The following STAG2 variants were observed in gnomAD, a reference collection of about 807,000 sequenced individuals.
STAG2 encodes STAG2 cohesin complex component, also known as cohesin subunit SA-2.
STAG2 carries 14 observed loss-of-function variants against 108.1 expected under a neutral mutation model. The observed-to-expected ratio is 0.13, with a 90% CI of 0.09 to 0.20. The LOEUF (loss-of-function observed/expected upper bound fraction) is 0.20. Ranked by LOEUF, STAG2 falls within the 10% of genes least tolerant of loss-of-function variation. The pLI, the probability that STAG2 is intolerant of heterozygous loss-of-function variation, is 1.00. For synonymous variants in STAG2, 307 were observed against 302.7 expected, an observed-to-expected ratio of 1.01 and a Z score of -0.15; for missense variants, 440 against 940.9, an observed-to-expected ratio of 0.47 and a Z score of 6.96.
chrX:123,990,900 G>A (rs1354637247), intron 1 of STAG2, among the ~76,000 whole-genome samples: 3 of 111,633 alleles, frequency 2.7e-5, no homozygotes, highest in Non-Finnish European at 5.6e-5. Flanking sequence ...GAATATTCCT[G>A]TACCCACTTG....
chrX:124,032,110 G>C (rs760906525), intron 5 of STAG2, among the ~76,000 whole-genome samples: 5 of 111,802 alleles, frequency 4.5e-5, no homozygotes, highest in Non-Finnish European at 9.4e-5. Context: ...ATGGCTATGA[G>C]GTCTCAATTT....
intron 32 of STAG2, 34 bp from the exon 33 acceptor site, chrX:124,093,984 G>A (rs758997051): frequency 1.7e-6 from 2 of 1,206,001 alleles, no homozygotes; most frequent in Non-Finnish European, 1.1e-6. Context: ...CACGACATTA[G>A]TTCAGATCTT....
chrX:124,005,835 T>A lies in STAG2; in HGVS notation c.-162-15532T>A, dbSNP rs779570591. Among the ~76,000 whole-genome samples, 102 of 111,293 alleles carry A rather than the reference T, an allele frequency of 9.2e-4. 1 individual carries two copies. The highest frequency in any genetic ancestry group is 1.6e-3 in the Non-Finnish European group (86 of 53,107). On this transcript the variant is annotated intron_variant, in intron 1 of 34. Transcript: ENST00000371145. ...TGTTCTGGAGGCAAGAAGTCCAAGA[T>A]CAAGGAGTTGGCAGGGTTAGTTCCT...
intron 26 of STAG2, 75 bp downstream of exon 26, chrX:124,076,546 C>T (rs756690113): frequency 2.8e-5 from 26 of 921,346 alleles, no homozygotes; most frequent in Non-Finnish European, 3.5e-5. Flanking sequence ...CCATTGAATT[C>T]TTTAAGGGCA....
chrX:124,037,042 C>T (rs1032437483), intron 5 of STAG2, among the ~76,000 whole-genome samples: 10 of 109,962 alleles, frequency 9.1e-5, no homozygotes, highest in Non-Finnish European at 1.5e-4. Flanking sequence ...TGCACCACCA[C>T]GCCTGGCTAA....
At chrX:124,064,787 G>A (rs2058477838) in intron 20 of STAG2, among the ~76,000 whole-genome samples, 1 of 111,366 alleles carries the variant, frequency 9.0e-6, no homozygotes, top group African/African-American at 3.3e-5. Context: ...TATTATTATA[G>A]CCGCTGCTAC....
At chrX:124,097,633 A>G in intron 34 of STAG2, 1 of 301,114 alleles carries the variant, frequency 3.3e-6, no homozygotes, top group Non-Finnish European at 6.7e-6. Flanking sequence ...AGTTTGGGTG[A>G]CAGACACTGT....
In STAG2 at chrX:123,969,866, C is replaced by T. The variant is rs989994650; in HGVS notation, c.-163+8010C>T. ...TTCCCCATGTTGGCCAGGCTGGTCT[C>T]GAACTCCTGACCTCAGGTGATTCAC... is the stretch of plus-strand genomic sequence containing the variant. On this transcript the variant is annotated intron_variant, in intron 1 of 34. Coordinates refer to ENST00000371145, the MANE Select transcript of STAG2 (RefSeq NM_001042750.2). Among the ~76,000 whole-genome samples the T allele has an allele frequency of 1.1e-4, 12 of 107,622 alleles. 2 individuals are homozygous for T. Among genetic ancestry groups the T allele is most frequent in the Admixed American group, 8.1e-4 (8 of 9,913 alleles). The allele number at this position is 107,622 out of a possible 115,157, so 93.5% of individuals were successfully genotyped here. A position where few individuals can be genotyped will look rare whatever the true frequency, so the allele number is the denominator to read the frequency against.
intron 20 of STAG2, among the ~76,000 whole-genome samples, chrX:124,064,325 C>T (rs2058459800): frequency 9.0e-6 from 1 of 110,667 alleles, no homozygotes; most frequent in Admixed American, 9.6e-5. Context: ...TGAACCAGGG[C>T]TGTTAAGGAA....
intron 14 of STAG2, among the ~76,000 whole-genome samples, chrX:124,057,598 A>G (rs2058243996): frequency 8.9e-6 from 1 of 112,313 alleles, no homozygotes; most frequent in African/African-American, 3.2e-5. Context: ...AAAATACAGT[A>G]AGGTTTTTAA....
intron 13 of STAG2, among the ~76,000 whole-genome samples, chrX:124,054,243 G>C (rs148053096): frequency 8.9e-6 from 1 of 112,220 alleles, no homozygotes; most frequent in South Asian, 3.6e-4. Context: ...AATTAAATTA[G>C]TATGTAAGAT....
intron 14 of STAG2, among the ~76,000 whole-genome samples, chrX:124,056,658 G>A (rs1211958957): frequency 2.9e-5 from 3 of 104,337 alleles, no homozygotes; most frequent in Non-Finnish European, 5.9e-5. Flanking sequence ...GCGTGAACTC[G>A]GGAGGCGGAG....
Position 124,009,392 on chromosome X carries a change from CAGGTAGGT to C in STAG2, c.-162-11928_-162-11921del, listed in dbSNP as rs748240892. Among the ~76,000 whole-genome samples the C allele has an allele frequency of 9.6e-3, 869 of 90,517 alleles. 11 individuals carry two copies. Among genetic ancestry groups the C allele is most frequent in the South Asian group, 0.02 (32 of 1,601 alleles). The allele number at this position is 90,517 out of a possible 115,157, so 78.6% of individuals were successfully genotyped here. A position where few individuals can be genotyped will look rare whatever the true frequency, so the allele number is the denominator to read the frequency against. The stretch of plus-strand genomic sequence containing the variant: ...TGATATCTGGTACCAGTAATCTAAC[CAGGTAGGT>C]AGGTAGGTAGGTAGGTAGGTAGGTA... On this transcript the variant is annotated intron_variant, in intron 1 of 34. Transcript: ENST00000371145.
At position 123,964,571 on chromosome X, in the gene STAG2, G is replaced by T. The variant is rs140828997; in HGVS notation, c.-163+2715G>T. Among the ~76,000 whole-genome samples, 687 of 111,259 alleles carry T rather than the reference G, an allele frequency of 6.2e-3. 9 individuals carry two copies. Among genetic ancestry groups the T allele is most frequent in the African/African-American group, 0.021 (655 of 30,619 alleles). ...CATTCCTGGTAGAAAGATCTAGGTAGCTGAATTCAGTTTCAGAATTTGGTG... is the reference window on the plus strand; with the variant it reads ...CATTCCTGGTAGAAAGATCTAGGTATCTGAATTCAGTTTCAGAATTTGGTG... On this transcript the variant is annotated intron_variant, in intron 1 of 34. Transcript: ENST00000371145.
chrX:124,049,355 T>G (rs2057970066), intron 10 of STAG2, among the ~76,000 whole-genome samples: 1 of 111,725 alleles, frequency 9.0e-6, no homozygotes, highest in Non-Finnish European at 1.9e-5. Context: ...TTAATTGCCT[T>G]TGGATGCACT....
intron 1 of STAG2, among the ~76,000 whole-genome samples, chrX:123,978,445 A>G (rs192410023): frequency 2.3e-4 from 25 of 111,018 alleles, no homozygotes; most frequent in African/African-American, 8.2e-4. Flanking sequence ...CTACACTACC[A>G]TACTGCTGAT....
At chrX:124,052,268 A>C (rs1434811344) in intron 13 of STAG2, among the ~76,000 whole-genome samples, 1 of 111,847 alleles carries the variant, frequency 8.9e-6, no homozygotes, top group Non-Finnish European at 1.9e-5. Context: ...TGCCACCACT[A>C]TCCATTGTCA....
rs1288218144 is a variant in STAG2 at position 124,014,987 on chromosome X, T to TC, written c.-162-6380_-162-6379insC. Among the ~76,000 whole-genome samples, 10 of 78,494 alleles carry TC rather than the reference T, an allele frequency of 1.3e-4. 1 individual carries two copies. Among genetic ancestry groups the TC allele is most frequent in the Non-Finnish European group, 1.7e-4 (7 of 40,377 alleles). 68.2% of individuals were successfully genotyped at this position (78,494 alleles called of 115,157 possible). On this transcript the variant is annotated intron_variant, in intron 1 of 34. Transcript: ENST00000371145. ...TAGTTTGACGTACTTTTCTTTTTTT[T>TC]TTTTTTTTTTTTTTTTTGAGACGGA...
At chrX:124,088,435 G>C (rs1449937760) in intron 30 of STAG2, among the ~76,000 whole-genome samples, 1 of 110,860 alleles carries the variant, frequency 9.0e-6, no homozygotes, top group Non-Finnish European at 1.9e-5. Context: ...GGTTGGCCAA[G>C]TCAATGCAAT....
Sources: gnomAD v4.1 joint callset for allele counts (sites outside exome capture counted in the v4.1 genomes callset) on GRCh38, gnomAD v4.1.1 for gene constraint, MANE v1.5 for transcripts, NCBI Gene and HGNC (gene_info 2026-07-23, HGNC 2026-07-21) for gene names.